Variants in ARID4B observed in about 807,000 individuals in gnomAD.
The protein encoded by ARID4B is AT-rich interactive domain-containing protein 4B.
A neutral mutation model predicts 147.5 loss-of-function variants in ARID4B; 26 were observed. That is an observed-to-expected ratio of 0.18 (90% confidence interval 0.13 to 0.24). The LOEUF is 0.24. Among genes scored for constraint, ARID4B ranks in the 10% least tolerant of loss-of-function variants. ARID4B has a pLI of 1.00. For synonymous variants in ARID4B, 512 were observed against 507.9 expected, an observed-to-expected ratio of 1.01 and a Z score of -0.11; for missense variants, 1,179 against 1,511.5, an observed-to-expected ratio of 0.78 and a Z score of 3.65.
chr1:235,283,659 T>A (rs1671800052), intron 2 of ARID4B, among the ~76,000 whole-genome samples: 1 of 152,168 alleles, frequency 6.6e-6, no homozygotes. Flanking sequence ...AGACAGTCAA[T>A]TTTAAGATTT....
At chr1:235,224,413 T>A (rs1667693730) in intron 12 of ARID4B, among the ~76,000 whole-genome samples, 1 of 152,182 alleles carries the variant, frequency 6.6e-6, no homozygotes, top group African/African-American at 2.4e-5. Flanking sequence ...TTAATTCCCA[T>A]TTTGCTACTG....
At chr1:235,197,279 C>T (rs1027205043) in intron 17 of ARID4B, among the ~76,000 whole-genome samples, 4 of 152,106 alleles carry the variant, frequency 2.6e-5, no homozygotes, top group Admixed American at 2.6e-4. Flanking sequence ...ACATGGACAC[C>T]TGAAAACGAG....
intron 2 of ARID4B, among the ~76,000 whole-genome samples, chr1:235,271,330 C>G (rs1670973672): frequency 6.7e-6 from 1 of 149,304 alleles, no homozygotes; most frequent in Admixed American, 6.7e-5. Flanking sequence ...CCTGGATGAC[C>G]AAGCTAAAAA....
chr1:235,228,218 C>A (rs1458417816), intron 11 of ARID4B: 1 of 148,710 alleles, frequency 6.7e-6, no homozygotes, highest in Non-Finnish European at 1.5e-5. Flanking sequence ...GAGATGTAAG[C>A]ATTTCATGAG....
chr1:235,171,389 C>T lies in ARID4B; in HGVS notation c.3811+1229G>A, dbSNP rs11805034. ...CGGAGGTTGTAGTGAGCTGAGATCG[C>T]GCCACTGCACTCCAGCCTGGGCGAC... On this transcript the variant is annotated intron_variant, in intron 23 of 23. Coordinates refer to ENST00000264183, the MANE Select transcript of ARID4B (RefSeq NM_016374.6). 2.1e-3 allele frequency among the ~76,000 whole-genome samples: 315 copies of T among 151,968 alleles called. 2 individuals carry two copies. The highest frequency in any genetic ancestry group is 7.3e-3 in the African/African-American group (303 of 41,448).
At chr1:235,205,842 A>C (rs1025777707) in intron 17 of ARID4B, among the ~76,000 whole-genome samples, 1 of 152,234 alleles carries the variant, frequency 6.6e-6, no homozygotes, top group Admixed American at 6.5e-5. Flanking sequence ...AAGCACAATG[A>C]GATAAACAGA....
chr1:235,302,935 C>T (rs12739183), intron 2 of ARID4B, among the ~76,000 whole-genome samples: 8 of 149,924 alleles, frequency 5.3e-5, no homozygotes, highest in South Asian at 2.1e-4. Flanking sequence ...TTCTTTTTTT[C>T]TTTTTTTTGA....
At chr1:235,234,519 A>T in intron 8 of ARID4B, 27 bp from the exon 9 acceptor site, 1 of 1,505,480 alleles carries the variant, frequency 6.6e-7, no homozygotes, top group Non-Finnish European at 9.2e-7. Flanking sequence ...TGAAGCTATT[A>T]TAACTAAAAG....
At chr1:235,220,669 AATTTAT>A (rs1421560303) in intron 14 of ARID4B, 124 bp from the exon 15 acceptor site, 10 of 807,298 alleles carry the variant, frequency 1.2e-5, no homozygotes, top group Non-Finnish European at 1.6e-5. Flanking sequence ...TTAACATTCT[AATTTAT>A]TCTAGTTCTT....
chr1:235,308,672 T>G (rs1673768279), intron 2 of ARID4B, among the ~76,000 whole-genome samples: 2 of 152,210 alleles, frequency 1.3e-5, no homozygotes, highest in African/African-American at 4.8e-5. Flanking sequence ...AGACGGGGCT[T>G]CGCTGTGTTG....
chr1:235,247,368 T>C (rs1183126006), intron 6 of ARID4B, among the ~76,000 whole-genome samples: 2 of 152,212 alleles, frequency 1.3e-5, no homozygotes, highest in East Asian at 1.9e-4. Context: ...AGAAATGTTA[T>C]ATAACTTTTT....
intron 21 of ARID4B, 155 bp downstream of exon 21, chr1:235,177,645 G>T: frequency 2.0e-6 from 1 of 505,298 alleles, no homozygotes; most frequent in Non-Finnish European, 3.4e-6. Flanking sequence ...GTTTTTTAAA[G>T]CAAGTAGCCT....
intron 2 of ARID4B, among the ~76,000 whole-genome samples, chr1:235,287,356 G>T (rs1215344438): frequency 6.6e-6 from 1 of 151,916 alleles, no homozygotes; most frequent in African/African-American, 2.4e-5. Context: ...ACAAAGAAAA[G>T]AGAACTAGAG....
intron 17 of ARID4B, among the ~76,000 whole-genome samples, chr1:235,203,161 C>T (rs1666066839): frequency 6.6e-6 from 1 of 152,138 alleles, no homozygotes; most frequent in Admixed American, 6.5e-5. Context: ...CATTCAGAGA[C>T]CACAGCATAC....
chr1:235,182,243 A>C lies in ARID4B; in HGVS notation c.2676T>G (p.Thr892=). Residue 892 remains threonine (T), a synonymous_variant, in exon 20 of 24, where the codon ACT becomes ACG. Transcript: ENST00000264183. ...CTTCTGAAAATCCTGAATAGAAACC[A>C]GTTGTCCGTAGAGATTTTCTTTTTT... ...LEEKRKSLRT[T]GFYSGFSEVA... 3 of 1,612,870 alleles carry C rather than the reference A, an allele frequency of 1.9e-6. No individual in the cohort carries two copies. Among genetic ancestry groups the C allele is most frequent in the Non-Finnish European group, 2.5e-6 (3 of 1,179,762 alleles).
intron 19 of ARID4B, among the ~76,000 whole-genome samples, chr1:235,192,704 C>A (rs1388592193): frequency 6.6e-6 from 1 of 152,022 alleles, no homozygotes; most frequent in African/African-American, 2.4e-5. Context: ...ATAGATATGT[C>A]CCCTTCCCTG....
rs139563164 is a variant in ARID4B, at chr1:235,198,985, G to A, written c.1842-2870C>T. ...ATGATGGCGCATGCCTGTAATCCTA[G>A]CTACTCGGGAGGCTGAGGCTGGAGA... On this transcript the variant is annotated intron_variant, in intron 17 of 23. Transcript: ENST00000264183. Among the ~76,000 whole-genome samples, 112 of 152,238 alleles carry A rather than the reference G, an allele frequency of 7.4e-4. 1 individual carries two copies. Among genetic ancestry groups the A allele is most frequent in the African/African-American group, 2.6e-3 (108 of 41,534 alleles).
In ARID4B at chr1:235,255,677, G is replaced by A; in HGVS notation, c.257C>T (p.Ala86Val). ...QEAVINKLTDASWYTVVFDDG... is the reference protein window; with the variant it reads ...QEAVINKLTDVSWYTVVFDDG... The stretch of plus-strand genomic sequence containing the variant: ...TTTCTTACCTACAGTGTACCAACTC[G>A]CATCTGTTAGTTTATTGATAACAGC... The change falls in exon 5 of 24, where the codon GCG (alanine) becomes GTG (valine). Residue 86 changes from alanine (A) to valine (V), a missense_variant. Coordinates refer to ENST00000264183, the MANE Select transcript of ARID4B (RefSeq NM_016374.6). 2.5e-6 allele frequency: 4 copies of A among 1,607,102 alleles called. No individual in the cohort carries two copies. Among genetic ancestry groups the A allele is most frequent in the East Asian group, 2.3e-5 (1 of 44,380 alleles).
chr1:235,232,401 C>A (rs1373766700), intron 9 of ARID4B, among the ~76,000 whole-genome samples: 1 of 151,622 alleles, frequency 6.6e-6, no homozygotes, highest in African/African-American at 2.4e-5. Flanking sequence ...GCCTGGGCAA[C>A]AAGAGTGAAA....
Sources: gnomAD v4.1 joint callset for allele counts (sites outside exome capture counted in the v4.1 genomes callset) on GRCh38, gnomAD v4.1.1 for gene constraint, MANE v1.5 for transcripts, NCBI Gene and HGNC (gene_info 2026-07-23, HGNC 2026-07-21) for gene names.